Variants in TOX2 observed in about 807,000 individuals in gnomAD.
The protein encoded by TOX2 is TOX high mobility group box family member 2.
Under a neutral mutation model 47.4 loss-of-function variants are expected in TOX2, and 15 were observed. The observed-to-expected ratio is 0.32, with a 90% confidence interval of 0.21 to 0.49. The LOEUF is 0.49. TOX2 is among the 20% of genes least tolerant of loss of function. The probability of loss-of-function intolerance (pLI) is 0.99; values close to 1 mark genes in which losing one functional copy is unlikely to be tolerated. For synonymous variants in TOX2, 290 were observed against 296.6 expected (o/e 0.98, Z 0.23); for missense variants, 622 against 673.1 (o/e 0.92, Z 0.84).
chr20:43,916,282 C>T lies in TOX2; in HGVS notation c.99+1292C>T. 1.0e-6 allele frequency: 1 copy of T among 958,924 alleles called. No individual in the cohort carries two copies. 59.4% of individuals were successfully genotyped at this position (958,924 alleles called of 1,614,324 possible). A position where few individuals can be genotyped will look rare whatever the true frequency, so the allele number is the denominator to read the frequency against. ...CAACCTCGCAGGCTTTTCGTCAGGC[C>T]CCTGGTAGTGGGGATGAGGCAGGAG... On this transcript the variant is annotated intron_variant, in intron 1 of 8. Coordinates refer to ENST00000341197, the MANE Select transcript of TOX2 (RefSeq NM_001098797.2). This position sits in a 1 kb window ranked among gnomAD's most constrained non-coding sequence, Gnocchi z 5.0.
intron 1 of TOX2, among the ~76,000 whole-genome samples, chr20:43,961,707 C>T (rs1318295063): frequency 1.3e-5 from 2 of 152,080 alleles, no homozygotes; most frequent in Non-Finnish European, 2.9e-5. Flanking sequence ...ACTGTGGGTC[C>T]CTACCTTCCC....
intron 5 of TOX2, among the ~76,000 whole-genome samples, chr20:44,058,495 G>A (rs902634770): frequency 2.0e-5 from 3 of 152,136 alleles, no homozygotes; most frequent in South Asian, 2.1e-4. Flanking sequence ...CCATGGCCCC[G>A]CCCACCACCT....
intron 5 of TOX2, among the ~76,000 whole-genome samples, chr20:44,057,434 T>C (rs764104165): frequency 5.9e-5 from 9 of 152,236 alleles, no homozygotes; most frequent in Non-Finnish European, 1.2e-4. Context: ...ATGTGACTTA[T>C]ATTCCTATTT....
In TOX2 at chr20:43,916,407, G is replaced by T. The variant is rs2069055777; in HGVS notation, c.99+1417G>T. ...CGGCTTCTGGCAAAGCCTCCCTGCA[G>T]TTCGCCAGGGGCAGCAAGCATCCAG... On this transcript the variant is annotated intron_variant, in intron 1 of 8. Coordinates refer to ENST00000341197, the MANE Select transcript of TOX2 (RefSeq NM_001098797.2). The surrounding 1 kb of genome is among the most constrained non-coding windows in gnomAD (Gnocchi z 5.0). Among the ~76,000 whole-genome samples, 1 of 152,260 alleles carries T rather than the reference G, an allele frequency of 6.6e-6. No homozygotes were observed. Among genetic ancestry groups the T allele is most frequent in the Non-Finnish European group, 1.5e-5 (1 of 68,050 alleles).
intron 3 of TOX2, among the ~76,000 whole-genome samples, chr20:44,043,630 A>C (rs561898334): frequency 4.1e-4 from 63 of 152,318 alleles, no homozygotes; most frequent in African/African-American, 1.5e-3. Context: ...AATACACCAC[A>C]GATTTTCGCC....
At chr20:43,974,583 T>C (rs766345072) in intron 2 of TOX2, among the ~76,000 whole-genome samples, 1 of 152,176 alleles carries the variant, frequency 6.6e-6, no homozygotes, top group African/African-American at 2.4e-5. Context: ...GTCTCTGCCA[T>C]TGTGGGGGCT....
rs1426344583 is a variant in TOX2, at chr20:44,065,951, C to A, written c.1200C>A (p.Pro400=). 6.2e-7 allele frequency: 1 copy of A among 1,613,360 alleles called. No homozygotes were observed. Among genetic ancestry groups the A allele is most frequent in the South Asian group, 1.1e-5 (1 of 91,016 alleles). The part of the protein sequence containing the change: ...PPPPPSFPLS[P]TLHQQLSLPP... ...CGCCACCCTCCTTCCCGCTCAGCCC[C>A]ACACTGCACCAGCAGCTGTCACTGC... Residue 400 remains proline (P), a synonymous_variant, in exon 7 of 9, where the codon CCC becomes CCA. Transcript: ENST00000341197.
rs2071810565 is a variant in TOX2, at chr20:44,065,952, A to C, written c.1201A>C (p.Thr401Pro). The change falls in exon 7 of 9, where the codon ACA (threonine) becomes CCA (proline). Residue 401 changes from threonine to proline, a missense_variant. By Grantham distance (38) the Thr-to-Pro change is conservative. Transcript: ENST00000341197. The stretch of plus-strand genomic sequence containing the variant: ...GCCACCCTCCTTCCCGCTCAGCCCC[A>C]CACTGCACCAGCAGCTGTCACTGCC... ...PPPPSFPLSP[T>P]LHQQLSLPPH... is the part of the protein sequence containing the mutation. The C allele has an allele frequency of 6.2e-7, 1 of 1,612,950 alleles. No homozygotes were observed. The highest frequency in any genetic ancestry group is 1.1e-5 in the South Asian group (1 of 90,996).
chr20:44,064,933 G>A (rs1056150912), intron 6 of TOX2, 76 bp downstream of exon 6: 33 of 1,405,980 alleles, frequency 2.3e-5, no homozygotes, highest in African/African-American at 1.1e-4. Context: ...ACTGGGGCCC[G>A]TGGGAAGGGC....
intron 1 of TOX2, among the ~76,000 whole-genome samples, chr20:43,934,692 G>A (rs1375084407): frequency 6.6e-6 from 1 of 152,134 alleles, no homozygotes; most frequent in Non-Finnish European, 1.5e-5. Context: ...GCGTGATGGT[G>A]CAGTGTCATG....
intron 1 of TOX2, among the ~76,000 whole-genome samples, chr20:43,939,564 T>G (rs1434881453): frequency 1.3e-5 from 2 of 152,292 alleles, no homozygotes; most frequent in African/African-American, 4.8e-5. Flanking sequence ...AACATGAGGC[T>G]GGAATGTGGC....
chr20:43,964,478 C>T (rs141181956), intron 1 of TOX2, among the ~76,000 whole-genome samples: 63 of 152,312 alleles, frequency 4.1e-4, no homozygotes, highest in African/African-American at 1.3e-3. Flanking sequence ...GTGGGGCAGG[C>T]GGGAGCAGTG....
chr20:44,038,180 G>T (rs1286928774), intron 3 of TOX2, among the ~76,000 whole-genome samples: 1 of 152,144 alleles, frequency 6.6e-6, no homozygotes, highest in East Asian at 1.9e-4. Flanking sequence ...TGGATCGCTT[G>T]AGCCCAGGAG....
Position 44,015,461 on chromosome 20 carries a change from G to C in TOX2, c.411+8669G>C, listed in dbSNP as rs148697411. Among the ~76,000 whole-genome samples, 9 of 152,268 alleles carry C rather than the reference G, an allele frequency of 5.9e-5. No individual in the cohort carries two copies. In the East Asian group the frequency reaches 1.7e-3, roughly 29 times the overall value. On this transcript the variant is annotated intron_variant, in intron 3 of 8. Transcript: ENST00000341197. ...TAACACCGGCTCTGAAAGGTTGAAA[G>C]ATTTATGTAACACATTTATGTTTCC... is the stretch of plus-strand genomic sequence containing the variant.
rs745489872 is a variant in TOX2 at position 43,951,707 on chromosome 20, G to GGTTTTTTTTTTTTTTT, written c.100-21660_100-21659insGTTTTTTTTTTTTTTT. Reference sequence around the variant, plus strand: ...TGACCATTACTATTAAACTTATTATGTTTTTTTTTTTTTTTTTTTTTAGAG... The same window carrying GGTTTTTTTTTTTTTTT: ...TGACCATTACTATTAAACTTATTATGGTTTTTTTTTTTTTTTTTTTTTTTTTTTTTTTTTTTTAGAG... On this transcript the variant is annotated intron_variant, in intron 1 of 8. Coordinates refer to ENST00000341197, the MANE Select transcript of TOX2 (RefSeq NM_001098797.2). Among the ~76,000 whole-genome samples the GGTTTTTTTTTTTTTTT allele has an allele frequency of 3.8e-4, 21 of 55,088 alleles. 2 individuals carry two copies. Among genetic ancestry groups the GGTTTTTTTTTTTTTTT allele is most frequent in the East Asian group, 1.1e-3 (2 of 1,890 alleles). 36.1% of individuals were successfully genotyped at this position (55,088 alleles called of 152,430 possible). A position where few individuals can be genotyped will look rare whatever the true frequency, so the allele number is the denominator to read the frequency against.
At chr20:43,935,970 G>C (rs2069322951) in intron 1 of TOX2, among the ~76,000 whole-genome samples, 1 of 144,386 alleles carries the variant, frequency 6.9e-6, no homozygotes, top group Admixed American at 6.9e-5. Context: ...AGTGGATCGT[G>C]AACCTGAATC....
Position 43,950,911 on chromosome 20 carries a change from G to C in TOX2, c.100-22456G>C, listed in dbSNP as rs76082181. ...GTAGATGCACAGCAAATACTTTTTT[G>C]GTGCACGGACGCATGAGTACATGAG... On this transcript the variant is annotated intron_variant, in intron 1 of 8. Coordinates refer to ENST00000341197, the MANE Select transcript of TOX2 (RefSeq NM_001098797.2). Among the ~76,000 whole-genome samples, 976 of 151,996 alleles carry C rather than the reference G, an allele frequency of 6.4e-3. 5 individuals are homozygous for C. Among genetic ancestry groups the C allele is most frequent in the African/African-American group, 0.023 (934 of 41,468 alleles).
At chr20:44,001,959 T>A (rs1341441400) in intron 2 of TOX2, among the ~76,000 whole-genome samples, 1 of 152,242 alleles carries the variant, frequency 6.6e-6, no homozygotes, top group Non-Finnish European at 1.5e-5. Context: ...AGCAGCTCAC[T>A]GGCTCAGGAT....
At chr20:44,047,307 G>C (rs991404359) in intron 3 of TOX2, among the ~76,000 whole-genome samples, 3 of 152,072 alleles carry the variant, frequency 2.0e-5, no homozygotes, top group African/African-American at 7.2e-5. Context: ...AATGCCCCCT[G>C]CATGGTAAAA....
Sources: allele counts gnomAD v4.1 joint callset (sites outside exome capture counted in the v4.1 genomes callset), GRCh38; gene constraint gnomAD v4.1.1; non-coding constraint Gnocchi (gnomAD v3.1); transcripts MANE v1.5; gene names NCBI Gene and HGNC (gene_info 2026-07-23, HGNC 2026-07-21).